CEP350: variants seen among roughly 807,000 people sequenced by gnomAD.
CEP350 encodes centrosomal protein 350, also known as centrosome-associated protein 350.
In CEP350, 126 loss-of-function variants were observed where a neutral mutation model predicts 331.8. That is an observed-to-expected ratio of 0.38 (90% CI 0.33 to 0.44). The LOEUF (loss-of-function observed/expected upper bound fraction) is 0.44. CEP350 is among the 20% of genes least tolerant of loss of function. CEP350 has a pLI of 1.00. For synonymous variants in CEP350, 1,200 were observed against 1,259.5 expected (o/e 0.95, Z 1.00); for missense variants, 3,406 against 3,634.6 (o/e 0.94, Z 1.62).
At chr1:180,102,334 C>T (rs1479522829) in intron 37 of CEP350, among the ~76,000 whole-genome samples, 3 of 152,066 alleles carry the variant, frequency 2.0e-5, no homozygotes, top group Non-Finnish European at 2.9e-5. Flanking sequence ...TGGGGTTTCA[C>T]CATGTTGGCC....
intron 1 of CEP350, among the ~76,000 whole-genome samples, chr1:179,967,659 C>T (rs536225791): frequency 2.0e-4 from 30 of 152,268 alleles, no homozygotes; most frequent in African/African-American, 7.2e-4. Flanking sequence ...TGATCGCCCA[C>T]CTCGGCCTCC....
intron 8 of CEP350, among the ~76,000 whole-genome samples, chr1:180,008,465 A>C (rs1305903986): frequency 6.9e-6 from 1 of 144,188 alleles, no homozygotes; most frequent in African/African-American, 2.5e-5. Flanking sequence ...GACTCCACTG[A>C]TAATAGTAAT....
Position 180,112,167 on chromosome 1 carries a change from T to A in CEP350, c.*1006T>A, listed in dbSNP as rs1392936888. 6.5e-6 allele frequency: 1 copy of A among 152,672 alleles called. No individual in the cohort carries two copies. The highest frequency in any genetic ancestry group is 1.5e-5 in the Non-Finnish European group (1 of 68,040). The allele number at this position is 152,672 out of a possible 1,614,324, so 9.5% of individuals were successfully genotyped here. Reference sequence around the variant, plus strand: ...TTTGCGCTATGGAACATTTTTTAATTTATTTTAAGATAAATTATTAAGTTG... The same window carrying A: ...TTTGCGCTATGGAACATTTTTTAATATATTTTAAGATAAATTATTAAGTTG... On this transcript the variant is annotated 3_prime_UTR_variant, in exon 38 of 38. Coordinates refer to ENST00000367607, the MANE Select transcript of CEP350 (RefSeq NM_014810.5).
chr1:179,989,529 T>C (rs1652899654), intron 3 of CEP350, among the ~76,000 whole-genome samples: 1 of 151,804 alleles, frequency 6.6e-6, no homozygotes, highest in African/African-American at 2.4e-5. Flanking sequence ...AAATTTTATA[T>C]AAAATGTCTA....
chr1:180,050,859 C>G (rs919524003), intron 22 of CEP350, among the ~76,000 whole-genome samples: 1 of 152,076 alleles, frequency 6.6e-6, no homozygotes, highest in Non-Finnish European at 1.5e-5. Context: ...GATGCCATAA[C>G]ACACTTATTA....
intron 37 of CEP350, among the ~76,000 whole-genome samples, chr1:180,106,088 T>C (rs1336647180): frequency 1.3e-5 from 2 of 152,242 alleles, no homozygotes; most frequent in Admixed American, 6.5e-5. Context: ...TCTCAAAGTA[T>C]AGATGCTGTG....
At chr1:179,979,006 T>C (rs994743890) in intron 1 of CEP350, among the ~76,000 whole-genome samples, 13 of 152,210 alleles carry the variant, frequency 8.5e-5, no homozygotes, top group African/African-American at 2.9e-4. Flanking sequence ...TCTTGGTTAT[T>C]GTGAATAATG....
intron 1 of CEP350, among the ~76,000 whole-genome samples, chr1:179,977,677 A>G (rs890444364): frequency 7.2e-5 from 11 of 152,232 alleles, no homozygotes; most frequent in Non-Finnish European, 5.9e-5. Context: ...TTAGGACATT[A>G]CTGTACACTA....
At chr1:179,983,257 C>T (rs1165521563) in intron 1 of CEP350, among the ~76,000 whole-genome samples, 5 of 151,200 alleles carry the variant, frequency 3.3e-5, no homozygotes, top group East Asian at 3.9e-4. Flanking sequence ...TTTTTTGAGA[C>T]GGAGTCTCGC....
Position 180,096,235 on chromosome 1 carries a change from C to T in CEP350, c.9066+51C>T, listed in dbSNP as rs374704523. The T allele has an allele frequency of 2.6e-5, 39 of 1,505,734 alleles. No homozygotes were observed. In the African/African-American group the frequency reaches 5.5e-4, roughly 21 times the overall value. 93.3% of individuals were successfully genotyped at this position (1,505,734 alleles called of 1,614,324 possible). ...TCTTTTTTGACTTGCTGTTCATTTA[C>T]ACATATCTGTAAATGTTGTAAAAGC... On this transcript the variant is annotated intron_variant, in intron 36 of 37. Coordinates refer to ENST00000367607, the MANE Select transcript of CEP350 (RefSeq NM_014810.5).
chr1:180,093,520 A>T lies in CEP350; in HGVS notation c.7415A>T (p.Asp2472Val). 3 of 1,613,388 alleles carry T rather than the reference A, an allele frequency of 1.9e-6. No homozygotes were observed. The highest frequency in any genetic ancestry group is 2.5e-6 in the Non-Finnish European group (3 of 1,179,528). ...TELMKSKERSDVEHEQQVTES... is the reference protein window; with the variant it reads ...TELMKSKERSVVEHEQQVTES... ...CTGATGAAAAGTAAGGAGCGCAGTGATGTGGAGCATGAACAGCAAGTTACT... is the reference window on the plus strand; with the variant it reads ...CTGATGAAAAGTAAGGAGCGCAGTGTTGTGGAGCATGAACAGCAAGTTACT... Residue 2472 changes from aspartate to valine, a missense_variant, in exon 34 of 38, where the codon GAT (aspartate) becomes GTT (valine). Asp to Val is a radical substitution (Grantham distance 152). Coordinates refer to ENST00000367607, the MANE Select transcript of CEP350 (RefSeq NM_014810.5).
At chr1:180,023,340 A>G (rs1390406888) in intron 13 of CEP350, among the ~76,000 whole-genome samples, 2 of 152,128 alleles carry the variant, frequency 1.3e-5, no homozygotes, top group African/African-American at 4.8e-5. Context: ...AGTATAGGTT[A>G]TGAAATCAGT....
intron 25 of CEP350, among the ~76,000 whole-genome samples, chr1:180,054,724 C>T (rs1371212925): frequency 6.6e-6 from 1 of 152,104 alleles, no homozygotes; most frequent in African/African-American, 2.4e-5. Context: ...TAATAAAATA[C>T]ACAGGCAAAC....
At position 180,031,321 on chromosome 1, in the gene CEP350, G is replaced by A. The variant is rs1292983010; in HGVS notation, c.3552G>A (p.Trp1184Ter). The A allele has an allele frequency of 6.3e-7, 1 of 1,593,748 alleles. No individual in the cohort carries two copies. The highest frequency in any genetic ancestry group is 1.7e-5 in the Admixed American group (1 of 59,272). Reference protein sequence around the residue: ...GKKGKKEKTEWLDSFTGNVQN... With the variant: ...GKKGKKEKTE The stretch of plus-strand genomic sequence containing the variant: ...CTTTATAAGAAATTTACTTTACAGG[G>A]TTGGATTCATTCACTGGAAATGTTC... The change falls in exon 15 of 38, where the codon TGG becomes TGA. Residue 1184 changes from tryptophan (W) to a stop codon, truncating the protein, a stop_gained and splice_region_variant. Coordinates refer to ENST00000367607, the MANE Select transcript of CEP350 (RefSeq NM_014810.5). LOFTEE classifies it high-confidence loss of function.
At chr1:180,033,276 T>C (rs752659414) in intron 15 of CEP350, among the ~76,000 whole-genome samples, 5 of 152,142 alleles carry the variant, frequency 3.3e-5, no homozygotes, top group African/African-American at 4.8e-5. Context: ...CAAACTGTTA[T>C]GTTACTTATT....
rs1558145462 is a variant in CEP350 at position 180,078,685 on chromosome 1, G to GTA, written c.5979+15_5979+16dup. The GTA allele has an allele frequency of 6.3e-7, 1 of 1,575,856 alleles. No homozygotes were observed. The highest frequency in any genetic ancestry group is 1.8e-5 in the Admixed American group (1 of 55,226). On this transcript the variant is annotated intron_variant, in intron 29 of 37. Transcript: ENST00000367607. ...TCTCCTAGTAAACATGTAAGTTAAT[G>GTA]TATATTTATATCTTAAAGATTCTCT...
At chr1:180,034,152 C>T (rs947594052) in intron 16 of CEP350, 70 bp downstream of exon 16, 1 of 1,483,714 alleles carries the variant, frequency 6.7e-7, no homozygotes, top group Non-Finnish European at 9.1e-7. Flanking sequence ...CATTCCTTTT[C>T]TTTGTTTGAG....
chr1:180,007,592 G>A (rs1654343870), intron 8 of CEP350, among the ~76,000 whole-genome samples: 2 of 152,152 alleles, frequency 1.3e-5, no homozygotes, highest in Admixed American at 1.3e-4. Context: ...TTGCTGTACA[G>A]AAGCTCTTCA....
Position 179,974,045 on chromosome 1 carries a change from GT to G in CEP350, c.-13-12114del, listed in dbSNP as rs973352190. ...CTTTGATTCTCCTTTATTTTTTTCTGTTTTTTTTTTGTTGTTGTTGCTGGTG... is the reference window on the plus strand; with the variant it reads ...CTTTGATTCTCCTTTATTTTTTTCTGTTTTTTTTTGTTGTTGTTGCTGGTG... On this transcript the variant is annotated intron_variant, in intron 1 of 37. Transcript: ENST00000367607. Among the ~76,000 whole-genome samples, 549 of 141,568 alleles carry G rather than the reference GT, an allele frequency of 3.9e-3. 4 individuals are homozygous for G. Among genetic ancestry groups the G allele is most frequent in the African/African-American group, 0.013 (501 of 39,120 alleles). 92.9% of individuals were successfully genotyped at this position (141,568 alleles called of 152,430 possible).
Sources: allele counts gnomAD v4.1 joint callset (sites outside exome capture counted in the v4.1 genomes callset), GRCh38; gene constraint gnomAD v4.1.1; transcripts MANE v1.5; gene names NCBI Gene and HGNC (gene_info 2026-07-23, HGNC 2026-07-21).